ALG9: variants seen among roughly 807,000 people sequenced by gnomAD.
ALG9 encodes the protein alpha-1,2-mannosyltransferase ALG9.
Under a neutral mutation model 81.8 loss-of-function variants are expected in ALG9, and 55 were observed. The ratio of observed to expected loss-of-function variants is 0.67; its 90% confidence interval spans 0.54 to 0.84. ALG9 has a LOEUF of 0.84. ALG9 is among the 40% of genes least tolerant of loss of function. ALG9 has a pLI of 0.00. For missense variants in ALG9, 629 were observed against 745.0 expected (o/e 0.84, Z 1.81); for synonymous variants, 278 against 274.3 (o/e 1.01, Z -0.13).
chr11:111,857,209 G>A (rs556811734), intron 6 of ALG9, among the ~76,000 whole-genome samples: 12 of 152,282 alleles, frequency 7.9e-5, no homozygotes, highest in East Asian at 7.7e-4. Flanking sequence ...GGGTGGTGCC[G>A]CGTGGAGAAA....
At chr11:111,823,012 G>A (rs1952684977) in intron 13 of ALG9, among the ~76,000 whole-genome samples, 1 of 152,148 alleles carries the variant, frequency 6.6e-6, no homozygotes, top group Non-Finnish European at 1.5e-5. Flanking sequence ...CAACAAAACT[G>A]AAACTCTGTC....
intron 8 of ALG9, among the ~76,000 whole-genome samples, chr11:111,848,530 C>T (rs968355753): frequency 1.1e-4 from 15 of 142,318 alleles, no homozygotes; most frequent in Non-Finnish European, 6.0e-5. Flanking sequence ...GCAGAGGTTG[C>T]GGGGAGTCGA....
rs566968118 is a variant in ALG9, at chr11:111,870,841, C to T, written c.132-471G>A. The stretch of plus-strand genomic sequence containing the variant: ...TTAACAAGGTCATTGCTTTTGATGG[C>T]TTTATTCATTCCCCCTTATGTTCAG... On this transcript the variant is annotated intron_variant, in intron 1 of 14. Transcript: ENST00000616540. The T allele has an allele frequency of 7.9e-5, 79 of 1,004,944 alleles. No homozygotes were observed. The African/African-American group carries it at 1.3e-3, about 17-fold the overall frequency. 62.3% of individuals were successfully genotyped at this position (1,004,944 alleles called of 1,614,324 possible).
intron 14 of ALG9, among the ~76,000 whole-genome samples, chr11:111,805,560 A>G (rs565865657): frequency 6.6e-6 from 1 of 152,380 alleles, no homozygotes; most frequent in South Asian, 2.1e-4. Context: ...CAATATGAAA[A>G]GCCTATATGC....
chr11:111,842,350 C>T (rs1256456306), intron 9 of ALG9, among the ~76,000 whole-genome samples: 5 of 152,142 alleles, frequency 3.3e-5, no homozygotes, highest in African/African-American at 1.2e-4. Context: ...TACAAAATCA[C>T]AACCACAGCT....
chr11:111,821,651 T>C (rs1186133164), intron 13 of ALG9, among the ~76,000 whole-genome samples: 3 of 152,088 alleles, frequency 2.0e-5, no homozygotes, highest in African/African-American at 7.2e-5. Flanking sequence ...CTTTTTTTTT[T>C]TTGAGATAGA....
At chr11:111,850,818 A>T (rs1555137284) in intron 8 of ALG9, among the ~76,000 whole-genome samples, 1 of 151,944 alleles carries the variant, frequency 6.6e-6, no homozygotes, top group African/African-American at 2.4e-5. Flanking sequence ...AGTCTGGCTG[A>T]CTGCAGCACT....
intron 11 of ALG9, 80 bp from the exon 12 acceptor site, chr11:111,837,695 G>T: frequency 6.7e-7 from 1 of 1,482,756 alleles, no homozygotes; most frequent in Non-Finnish European, 9.3e-7. Context: ...CATTAATGTC[G>T]CACTGTAAGC....
chr11:111,787,173 G>GT (rs1183290366), intron 14 of ALG9, among the ~76,000 whole-genome samples: 1 of 152,178 alleles, frequency 6.6e-6, no homozygotes, highest in Non-Finnish European at 1.5e-5. Flanking sequence ...GCTCACGCCT[G>GT]TAATTCCAGC....
Position 111,871,358 on chromosome 11 carries a change from C to G in ALG9, c.125G>C (p.Arg42Pro), listed in dbSNP as rs781880611. 172 of 1,530,034 alleles carry G rather than the reference C, an allele frequency of 1.1e-4. No homozygotes were observed. In the African/African-American group the frequency reaches 1.9e-3, roughly 17 times the overall value. 94.8% of individuals were successfully genotyped at this position (1,530,034 alleles called of 1,614,324 possible). ...TGCCGCGCCGCACACGTACTCGGTC[C>G]GGTGCTCCGCGCCGCCCGCCTCTCG... ...GSREAGGAEH[R>P]TELSGNKAGQ... The change falls in exon 1 of 15, where the codon CGG becomes CCG. Residue 42 changes from arginine (R) to proline (P), a missense_variant. Arg to Pro is a moderately radical substitution (Grantham distance 103). Transcript: ENST00000616540.
At chr11:111,826,650 C>T (rs1953352812) in intron 13 of ALG9, among the ~76,000 whole-genome samples, 1 of 152,124 alleles carries the variant, frequency 6.6e-6, no homozygotes, top group Admixed American at 6.5e-5. Flanking sequence ...TAGTAACATA[C>T]ACTAACTTCT....
At chr11:111,799,951 C>T (rs951339916) in intron 14 of ALG9, among the ~76,000 whole-genome samples, 3 of 152,172 alleles carry the variant, frequency 2.0e-5, no homozygotes, top group African/African-American at 7.2e-5. Flanking sequence ...ACCACCAGTA[C>T]TTATTTAATC....
At position 111,864,312 on chromosome 11, in the gene ALG9, A is replaced by G. The variant is rs1393911627; in HGVS notation, c.476+869T>C. On this transcript the variant is annotated intron_variant, in intron 4 of 14. Transcript: ENST00000616540. ...AAAGTGGTTCAACAGCCCCGGCTGG[A>G]GGCCAGGCTCAACTGCATAAAAGTT... 21 of 947,232 alleles carry G rather than the reference A, an allele frequency of 2.2e-5. No individual in the cohort carries two copies. The South Asian group carries it at 2.2e-4, about 10-fold the overall frequency. 58.7% of individuals were successfully genotyped at this position (947,232 alleles called of 1,614,324 possible).
At chr11:111,860,681 G>T (rs1555147153) in intron 4 of ALG9, 46 bp from the exon 5 acceptor site, 2 of 1,443,938 alleles carry the variant, frequency 1.4e-6, no homozygotes, top group South Asian at 1.2e-5. Flanking sequence ...ATTAGGAATA[G>T]ACATTTCAAA....
chr11:111,860,569 A>G lies in ALG9; in HGVS notation c.543T>C (p.Thr181=). The stretch of plus-strand genomic sequence containing the variant: ...TACCTGATGATGAGCAAAACATGCC[A>G]GTGCTGAGAACCAAGAAGGCTAGCA... ...RMMLAFLVLS[T]GMFCSSSAFL... Residue 181 remains threonine, a synonymous_variant, in exon 5 of 15, where the codon ACT becomes ACC. Coordinates refer to ENST00000616540, the MANE Select transcript of ALG9 (RefSeq NM_024740.2). 6.2e-7 allele frequency: 1 copy of G among 1,614,120 alleles called. No individual in the cohort carries two copies. The highest frequency in any genetic ancestry group is 1.3e-5 in the African/African-American group (1 of 75,046).
chr11:111,795,500 G>A (rs533949911), intron 14 of ALG9, among the ~76,000 whole-genome samples: 31 of 152,260 alleles, frequency 2.0e-4, no homozygotes, highest in African/African-American at 7.0e-4. Flanking sequence ...AATATACCCC[G>A]CAGGTGGCCG....
At chr11:111,835,351 G>A (rs1555116490) in intron 13 of ALG9, among the ~76,000 whole-genome samples, 1 of 152,130 alleles carries the variant, frequency 6.6e-6, no homozygotes, top group Non-Finnish European at 1.5e-5. Flanking sequence ...TGTCAAAAGT[G>A]TCATCTTTCA....
chr11:111,848,589 T>TAA (rs1957270629), intron 8 of ALG9, among the ~76,000 whole-genome samples: 1 of 80,936 alleles, frequency 1.2e-5, no homozygotes, highest in African/African-American at 6.3e-5. Flanking sequence ...AAACTCCATC[T>TAA]CAAAAAAAAA....
At chr11:111,769,262 GGTCACACC>G in the ALG9 span, 1 of 149,052 alleles carries the variant, frequency 6.7e-6, no homozygotes. Context: ...AGTGAGCTGA[GGTCACACC>G]ACTGCGCTCC....
Sources: allele counts gnomAD v4.1 joint callset (sites outside exome capture counted in the v4.1 genomes callset), GRCh38; gene constraint gnomAD v4.1.1; transcripts MANE v1.5; gene names NCBI Gene and HGNC (gene_info 2026-07-23, HGNC 2026-07-21).